The following LRP1B variants were observed in gnomAD, a reference collection of about 807,000 sequenced individuals.
The protein encoded by LRP1B is LDL receptor related protein 1B.
LRP1B carries 217 observed loss-of-function variants against 556.6 expected under a neutral mutation model. The ratio of observed to expected loss-of-function variants is 0.39; its 90% CI spans 0.35 to 0.44. The LOEUF (loss-of-function observed/expected upper bound fraction) is 0.44. LRP1B is among the 20% of genes least tolerant of loss of function. LRP1B has a pLI of 1.00. For synonymous variants in LRP1B, 2,047 were observed against 1,865.8 expected (o/e 1.10, Z -2.50); for missense variants, 5,053 against 5,620.8 (o/e 0.90, Z 3.23).
At chr2:141,820,205 T>C (rs1195898415) in intron 1 of LRP1B, among the ~76,000 whole-genome samples, 1 of 152,226 alleles carries the variant, frequency 6.6e-6, no homozygotes, top group Admixed American at 6.5e-5. Context: ...ATAGCTGGCA[T>C]GCAATTGTAA....
At chr2:141,617,686 G>A (rs1688358662) in intron 2 of LRP1B, among the ~76,000 whole-genome samples, 1 of 152,108 alleles carries the variant, frequency 6.6e-6, no homozygotes. Context: ...AATACTGACA[G>A]ATTCACAAGA....
chr2:141,512,539 C>T (rs1158555253), intron 2 of LRP1B, among the ~76,000 whole-genome samples: 2 of 152,174 alleles, frequency 1.3e-5, no homozygotes, highest in African/African-American at 2.4e-5. Flanking sequence ...GAGCTCCCTC[C>T]AGCTTAGTTC....
At chr2:141,685,779 C>T (rs555720678) in intron 2 of LRP1B, among the ~76,000 whole-genome samples, 1 of 152,042 alleles carries the variant, frequency 6.6e-6, no homozygotes, top group African/African-American at 2.4e-5. Context: ...TTCCTGCAGC[C>T]TCCAGAAGAA....
chr2:141,657,825 A>C (rs1690071521), intron 2 of LRP1B, among the ~76,000 whole-genome samples: 1 of 152,182 alleles, frequency 6.6e-6, no homozygotes. Context: ...TTTCTGAAAT[A>C]ATCTTTTGTT....
At chr2:141,960,221 C>T (rs979791081) in intron 1 of LRP1B, among the ~76,000 whole-genome samples, 3 of 151,588 alleles carry the variant, frequency 2.0e-5, no homozygotes, top group Non-Finnish European at 4.4e-5. Flanking sequence ...CATTGGGATC[C>T]AAAGATGCTA....
intron 7 of LRP1B, among the ~76,000 whole-genome samples, chr2:141,153,463 TATA>T (rs1445384431): frequency 8.2e-6 from 1 of 121,564 alleles, no homozygotes; most frequent in East Asian, 2.1e-4. Context: ...TATATTTATA[TATA>T]ATAAATAATA....
chr2:142,050,948 G>A (rs1444333130), intron 1 of LRP1B, among the ~76,000 whole-genome samples: 1 of 152,046 alleles, frequency 6.6e-6, no homozygotes, highest in Middle Eastern at 3.2e-3. Context: ...AGGAAAAAGA[G>A]CAATATTAAT....
At chr2:142,086,700 G>A (rs1359353209) in intron 1 of LRP1B, among the ~76,000 whole-genome samples, 1 of 151,206 alleles carries the variant, frequency 6.6e-6, no homozygotes, top group East Asian at 1.9e-4. Context: ...GAAAATACGA[G>A]GCTCTCCGAT....
chr2:142,059,845 T>C (rs2104889698), intron 1 of LRP1B, among the ~76,000 whole-genome samples: 1 of 152,144 alleles, frequency 6.6e-6, no homozygotes, highest in East Asian at 1.9e-4. Context: ...ATAAAAGTAT[T>C]GGGATAATTT....
chr2:141,474,046 T>TCCTTCCTC (rs1553519266), intron 3 of LRP1B, among the ~76,000 whole-genome samples: 1 of 34,736 alleles, frequency 2.9e-5, no homozygotes, highest in Non-Finnish European at 6.4e-5. Context: ...CTTCCTTCCT[T>TCCTTCCTC]TCCTTCCTTC....
intron 15 of LRP1B, among the ~76,000 whole-genome samples, chr2:140,995,390 G>A (rs1697214592): frequency 6.6e-6 from 1 of 152,032 alleles, no homozygotes; most frequent in African/African-American, 2.4e-5. Context: ...TTTGCAAGAT[G>A]TATTTGATTT....
intron 84 of LRP1B, among the ~76,000 whole-genome samples, chr2:140,290,591 T>C (rs1053704323): frequency 6.6e-6 from 1 of 152,270 alleles, no homozygotes; most frequent in African/African-American, 2.4e-5. Flanking sequence ...CTTTAGGCTC[T>C]GTTCGAATAA....
intron 5 of LRP1B, among the ~76,000 whole-genome samples, chr2:141,234,582 G>T (rs1683585535): frequency 6.6e-6 from 1 of 151,874 alleles, no homozygotes; most frequent in Admixed American, 6.6e-5. Context: ...TCACCATGTT[G>T]GCCAGGCTGG....
At chr2:141,478,578 C>T (rs1012460421) in intron 3 of LRP1B, among the ~76,000 whole-genome samples, 1 of 144,086 alleles carries the variant, frequency 6.9e-6, no homozygotes, top group Non-Finnish European at 1.5e-5. Flanking sequence ...AAGTTTTACT[C>T]AGTCACCCAG....
chr2:141,184,351 C>T (rs1177955796), intron 7 of LRP1B, among the ~76,000 whole-genome samples: 2 of 151,934 alleles, frequency 1.3e-5, no homozygotes, highest in Admixed American at 1.3e-4. Context: ...GCAGATGTCC[C>T]TTCTCCCCTG....
chr2:140,520,629 T>A (rs1287829055), intron 49 of LRP1B, among the ~76,000 whole-genome samples: 1 of 151,708 alleles, frequency 6.6e-6, no homozygotes, highest in Admixed American at 6.6e-5. Context: ...GTTTCATGAG[T>A]CTAAAGTAAT....
intron 71 of LRP1B, among the ~76,000 whole-genome samples, chr2:140,369,247 C>T (rs1682885071): frequency 6.6e-6 from 1 of 151,818 alleles, no homozygotes; most frequent in African/African-American, 2.4e-5. Flanking sequence ...AGGACACTTA[C>T]ATAAGATGAA....
chr2:141,988,962 TAA>T (rs1702272799), intron 1 of LRP1B, among the ~76,000 whole-genome samples: 1 of 152,010 alleles, frequency 6.6e-6, no homozygotes. Context: ...GAGATGTGTA[TAA>T]AATAGATGTG....
At chr2:140,632,129 C>T (rs80122496) in intron 41 of LRP1B, among the ~76,000 whole-genome samples, 1,825 of 152,076 alleles carry the variant, frequency 0.012, 32 homozygotes, top group African/African-American at 0.039. Context: ...ATAATCCTGC[C>T]GTGCAAAAGA....
Sources: gnomAD v4.1 joint callset for allele counts (sites outside exome capture counted in the v4.1 genomes callset) on GRCh38, gnomAD v4.1.1 for gene constraint, MANE v1.5 for transcripts, NCBI Gene and HGNC (gene_info 2026-07-23, HGNC 2026-07-21) for gene names.